The following UGT2A1 variants were observed in gnomAD, a reference collection of about 807,000 sequenced individuals.
UGT2A1 encodes the protein UDP glucuronosyltransferase family 2 member A1 complex locus, also known as UDP-glucuronosyltransferase 2A1.
UGT2A1 carries 61 observed loss-of-function variants against 45.4 expected under a neutral mutation model. That is an observed-to-expected ratio of 1.34 (90% CI 1.09 to 1.66). The LOEUF (loss-of-function observed/expected upper bound fraction) is 1.66, where lower values mean the gene tolerates loss of function less well. UGT2A1 is among the 40% of genes most tolerant of loss of function. UGT2A1 has a pLI of 0.00. For missense variants in UGT2A1, 649 were observed against 574.3 expected, an observed-to-expected ratio of 1.13 and a Z score of -1.33; for synonymous variants, 229 against 196.2, an observed-to-expected ratio of 1.17 and a Z score of -1.40.
chr4:69,589,749 C>A, intron 6 of UGT2A1, 98 bp from the exon 7 acceptor site: 1 of 1,473,614 alleles, frequency 6.8e-7, no homozygotes, highest in Non-Finnish European at 9.1e-7. Context: ...AGTTTAAGGC[C>A]ATAGTTACGT....
chr4:69,652,003 C>A (rs6600796), intron 1 of UGT2A1, among the ~76,000 whole-genome samples: 152,030 of 152,290 alleles, frequency 1, 75,886 homozygotes, highest in Middle Eastern at 1. Context: ...CTTCCAAGTA[C>A]GTTTTCCTTT....
intron 3 of UGT2A1, among the ~76,000 whole-genome samples, chr4:69,631,733 T>C (rs1430299864): frequency 6.6e-6 from 1 of 152,156 alleles, no homozygotes; most frequent in East Asian, 1.9e-4. Flanking sequence ...CTGTAGCCAC[T>C]ACATCAGGGT....
chr4:69,630,206 C>A (rs1721306426), intron 3 of UGT2A1, among the ~76,000 whole-genome samples: 1 of 152,026 alleles, frequency 6.6e-6, no homozygotes. Flanking sequence ...TGAGGATATA[C>A]CAATAGTAAT....
intron 3 of UGT2A1, among the ~76,000 whole-genome samples, chr4:69,608,756 C>T (rs540354190): frequency 1.4e-4 from 22 of 151,962 alleles, no homozygotes; most frequent in African/African-American, 3.1e-4. Context: ...AGTGCAGTGG[C>T]GCCATCTCAG....
chr4:69,644,309 A>G (rs992571831), intron 2 of UGT2A1, among the ~76,000 whole-genome samples: 1 of 151,738 alleles, frequency 6.6e-6, no homozygotes, highest in Non-Finnish European at 1.5e-5. Flanking sequence ...CTTCACAAAT[A>G]AAGAGCATAG....
In UGT2A1 at chr4:69,589,334, CA is replaced by C. The variant is rs1560463103; in HGVS notation, c.*37del. On this transcript the variant is annotated 3_prime_UTR_variant, in exon 7 of 7. Coordinates refer to ENST00000286604, the MANE Select transcript of UGT2A1 (RefSeq NM_001252275.3). ...AGGACTACACTACTCAGGATTTTGC[CA>C]AACTTAAAAATATATATATTTCCTC... is the stretch of plus-strand genomic sequence containing the variant. 1.3e-6 allele frequency: 2 copies of C among 1,542,688 alleles called. No individual in the cohort carries two copies. Among genetic ancestry groups the C allele is most frequent in the Non-Finnish European group, 1.7e-6 (2 of 1,145,934 alleles).
intron 2 of UGT2A1, among the ~76,000 whole-genome samples, chr4:69,636,471 A>G (rs758609850): frequency 1.6e-4 from 24 of 152,286 alleles, no homozygotes; most frequent in Non-Finnish European, 2.8e-4. Context: ...GAGAAGCATA[A>G]AGGTTTTAAG....
Position 69,594,503 on chromosome 4 carries a change from AGC to A in UGT2A1, c.1276_1277del (p.Ala426PhefsTer6). The A allele has an allele frequency of 6.2e-7, 1 of 1,614,156 alleles. No individual in the cohort carries two copies. The highest frequency in any genetic ancestry group is 1.1e-5 in the South Asian group (1 of 91,086). On this transcript the variant is annotated frameshift_variant, in exon 6 of 7. Transcript: ENST00000286604. LOFTEE classifies it high-confidence loss of function. Reference protein sequence around the residue: ...NTMTSVDLLSALRTVINEPSY... With the variant: ...NTMTSVDLLSXLRTVINEPSY... The stretch of plus-strand genomic sequence containing the variant: ...AAGGTTCATTAATGACTGTTCTCAA[AGC>A]GCTAAGCAAATCCACACTTGTCATT...
In UGT2A1 at chr4:69,602,979, A is replaced by C. The variant is rs573626450; in HGVS notation, c.848-3585T>G. ...GATACTCTAGAGGCTGAGGCAGAGA[A>C]TTGCTTGAACCCGGGAGGAGGAGGT... On this transcript the variant is annotated intron_variant, in intron 3 of 6. Coordinates refer to ENST00000286604, the MANE Select transcript of UGT2A1 (RefSeq NM_001252275.3). Among the ~76,000 whole-genome samples the C allele has an allele frequency of 5.9e-5, 8 of 135,754 alleles. 1 individual carries two copies. In the East Asian group the frequency reaches 1.7e-3, roughly 28 times the overall value. The allele number at this position is 135,754 out of a possible 152,430, so 89.1% of individuals were successfully genotyped here.
chr4:69,594,423 A>G, intron 6 of UGT2A1, 54 bp downstream of exon 6: 1 of 1,587,742 alleles, frequency 6.3e-7, no homozygotes, highest in Non-Finnish European at 8.6e-7. Context: ...ATTTTCTGGT[A>G]TTATGAATAA....
intron 2 of UGT2A1, 77 bp downstream of exon 2, chr4:69,646,853 A>C (rs960354156): frequency 6.0e-6 from 6 of 1,002,920 alleles, no homozygotes; most frequent in South Asian, 1.7e-5. Context: ...AAGAATAGAC[A>C]TAGGGAAATA....
chr4:69,640,234 A>C (rs1357601071), intron 2 of UGT2A1, among the ~76,000 whole-genome samples: 1 of 151,950 alleles, frequency 6.6e-6, no homozygotes, highest in Non-Finnish European at 1.5e-5. Flanking sequence ...TCCTTTTATA[A>C]GATTTCTGAC....
rs371908248 is a variant in UGT2A1, at chr4:69,607,167, T to C, written c.848-7773A>G. ...GGCATCACACTACCTGACTTCAAACTATACTGCAAGGCTACAGTAACCAAA... is the reference window on the plus strand; with the variant it reads ...GGCATCACACTACCTGACTTCAAACCATACTGCAAGGCTACAGTAACCAAA... On this transcript the variant is annotated intron_variant, in intron 3 of 6. Coordinates refer to ENST00000286604, the MANE Select transcript of UGT2A1 (RefSeq NM_001252275.3). Among the ~76,000 whole-genome samples, 3 of 135,334 alleles carry C rather than the reference T, an allele frequency of 2.2e-5. No homozygotes were observed. The East Asian group carries it at 5.9e-4, about 27-fold the overall frequency. The allele number at this position is 135,334 out of a possible 152,430, so 88.8% of individuals were successfully genotyped here.
At chr4:69,632,348 A>T (rs965676859) in intron 3 of UGT2A1, among the ~76,000 whole-genome samples, 2 of 152,102 alleles carry the variant, frequency 1.3e-5, no homozygotes, top group Admixed American at 1.3e-4. Context: ...TTTTTTCCAC[A>T]AGTAGGGAAA....
At chr4:69,616,015 A>G (rs1720358466) in intron 3 of UGT2A1, among the ~76,000 whole-genome samples, 1 of 152,068 alleles carries the variant, frequency 6.6e-6, no homozygotes, top group African/African-American at 2.4e-5. Flanking sequence ...CTATATGTGC[A>G]TCAATGGGTG....
chr4:69,614,664 T>C (rs1408924787), intron 3 of UGT2A1, among the ~76,000 whole-genome samples: 1 of 151,986 alleles, frequency 6.6e-6, no homozygotes, highest in Non-Finnish European at 1.5e-5. Flanking sequence ...GAAATAAATC[T>C]GTACATCTAC....
intron 2 of UGT2A1, among the ~76,000 whole-genome samples, chr4:69,640,262 A>T (rs191581269): frequency 1.3e-5 from 2 of 149,712 alleles, no homozygotes; most frequent in East Asian, 3.9e-4. Flanking sequence ...AATTATTCAG[A>T]CCCTCCCATT....
chr4:69,634,089 C>CA (rs1239076261), intron 3 of UGT2A1, among the ~76,000 whole-genome samples: 1 of 151,978 alleles, frequency 6.6e-6, no homozygotes, highest in East Asian at 1.9e-4. Flanking sequence ...ACTAAAAATA[C>CA]AAAAAATTAG....
At chr4:69,605,395 C>A (rs1231578226) in intron 3 of UGT2A1, among the ~76,000 whole-genome samples, 2 of 136,620 alleles carry the variant, frequency 1.5e-5, no homozygotes, top group Non-Finnish European at 3.1e-5. Context: ...CACAACATAC[C>A]AGAATCTCTG....
Sources: gnomAD v4.1 joint callset for allele counts (sites outside exome capture counted in the v4.1 genomes callset) on GRCh38, gnomAD v4.1.1 for gene constraint, MANE v1.5 for transcripts, NCBI Gene and HGNC (gene_info 2026-07-23, HGNC 2026-07-21) for gene names.